SGMS1: variants seen among roughly 807,000 people sequenced by gnomAD.
The protein encoded by SGMS1 is phosphatidylcholine:ceramide cholinephosphotransferase 1.
In SGMS1, 13 loss-of-function variants were observed where a neutral mutation model predicts 46.2. The ratio of observed to expected loss-of-function variants is 0.28; its 90% CI spans 0.18 to 0.45. The LOEUF is 0.45. SGMS1 is among the 20% of genes least tolerant of loss of function. The pLI is 1.00. For synonymous variants in SGMS1, 203 were observed against 187.8 expected (o/e 1.08, Z -0.66); for missense variants, 324 against 519.9 (o/e 0.62, Z 3.66).
At chr10:50,482,455 C>T (rs1157831277) in intron 3 of SGMS1, among the ~76,000 whole-genome samples, 1 of 152,166 alleles carries the variant, frequency 6.6e-6, no homozygotes, top group Non-Finnish European at 1.5e-5. Flanking sequence ...AAATCCTTTT[C>T]AGGCATAAGC....
intron 6 of SGMS1, among the ~76,000 whole-genome samples, chr10:50,404,043 TA>T (rs1264172501): frequency 6.6e-6 from 1 of 151,990 alleles, no homozygotes; most frequent in African/African-American, 2.4e-5. Flanking sequence ...TGAATTTTCC[TA>T]ATTTAAAATG....
chr10:50,408,431 T>TAAAAAAAAAAAAAA (rs71029307), intron 6 of SGMS1, among the ~76,000 whole-genome samples: 4 of 95,202 alleles, frequency 4.2e-5, no homozygotes, highest in Non-Finnish European at 6.3e-5. Flanking sequence ...CCTCATCTCT[T>TAAAAAAAAAAAAAA]AAAAAAAAAA....
At chr10:50,429,361 C>T (rs2133611225) in intron 6 of SGMS1, among the ~76,000 whole-genome samples, 1 of 152,284 alleles carries the variant, frequency 6.6e-6, no homozygotes, top group African/African-American at 2.4e-5. Flanking sequence ...AGGTTTGCAG[C>T]AGCCTAGGAG....
intron 6 of SGMS1, among the ~76,000 whole-genome samples, chr10:50,390,470 A>G (rs1214543449): frequency 6.6e-6 from 1 of 152,206 alleles, no homozygotes; most frequent in East Asian, 1.9e-4. Context: ...TTAAGTCAAT[A>G]GAATGTTCAT....
intron 6 of SGMS1, among the ~76,000 whole-genome samples, chr10:50,369,587 TGTG>T (rs1848402618): frequency 6.9e-6 from 1 of 145,058 alleles, no homozygotes; most frequent in African/African-American, 2.5e-5. Context: ...CATCAACAAA[TGTG>T]GAGGAAAAAA....
intron 1 of SGMS1, among the ~76,000 whole-genome samples, chr10:50,613,184 T>C (rs530814996): frequency 2.0e-5 from 3 of 152,328 alleles, no homozygotes; most frequent in Non-Finnish European, 1.5e-5. Flanking sequence ...TCTGGCTCCA[T>C]CTACACTGAC....
intron 6 of SGMS1, among the ~76,000 whole-genome samples, chr10:50,403,952 C>T (rs993368755): frequency 6.6e-6 from 1 of 151,334 alleles, no homozygotes; most frequent in Non-Finnish European, 1.5e-5. Flanking sequence ...ATTCCTTACA[C>T]CAAAATAAAA....
chr10:50,586,455 G>A (rs1329648733), intron 2 of SGMS1, among the ~76,000 whole-genome samples: 2 of 152,210 alleles, frequency 1.3e-5, no homozygotes, highest in African/African-American at 4.8e-5. Context: ...CTATACTACA[G>A]GCTCCTCAAG....
intron 6 of SGMS1, among the ~76,000 whole-genome samples, chr10:50,416,919 C>T (rs552363215): frequency 4.0e-5 from 6 of 149,898 alleles, no homozygotes; most frequent in African/African-American, 1.5e-4. Flanking sequence ...GAATTTTCTT[C>T]CTCTCTCCAT....
At chr10:50,474,529 G>A (rs576122349) in intron 3 of SGMS1, among the ~76,000 whole-genome samples, 122 of 152,178 alleles carry the variant, frequency 8.0e-4, no homozygotes, top group Non-Finnish European at 1.5e-3. Flanking sequence ...TACCTTGGCT[G>A]TCACATGATG....
Position 50,307,345 on chromosome 10 carries a change from C to G in SGMS1, c.1063-24G>C, listed in dbSNP as rs1289689904. The G allele has an allele frequency of 6.3e-7, 1 of 1,599,050 alleles. No homozygotes were observed. The highest frequency in any genetic ancestry group is 1.7e-5 in the Admixed American group (1 of 58,774). On this transcript the variant is annotated intron_variant, in intron 10 of 10. Coordinates refer to ENST00000361781, the MANE Select transcript of SGMS1 (RefSeq NM_147156.4). The surrounding 1 kb of genome is among the most constrained non-coding windows in gnomAD (Gnocchi z 4.2). ...ACCTAGGATAACAAAGAAACATAAA[C>G]ACATTTCTTACAATCTTTCACTTTA...
intron 1 of SGMS1, among the ~76,000 whole-genome samples, chr10:50,599,567 G>A (rs757410748): frequency 6.6e-5 from 10 of 152,048 alleles, no homozygotes; most frequent in Non-Finnish European, 1.2e-4. Context: ...GTATACTTAC[G>A]AAGTACTTAA....
intron 2 of SGMS1, among the ~76,000 whole-genome samples, chr10:50,538,621 T>C (rs1284724746): frequency 6.6e-6 from 1 of 152,074 alleles, no homozygotes; most frequent in Admixed American, 6.6e-5. Context: ...CCCCTCATCA[T>C]CATGACCACT....
At chr10:50,318,472 A>T (rs1172770418) in intron 8 of SGMS1, among the ~76,000 whole-genome samples, 1 of 152,200 alleles carries the variant, frequency 6.6e-6, no homozygotes, top group African/African-American at 2.4e-5. Flanking sequence ...TTACTTAACA[A>T]TCCAAGTTAG....
At chr10:50,540,260 A>G (rs931307530) in intron 2 of SGMS1, among the ~76,000 whole-genome samples, 2 of 152,210 alleles carry the variant, frequency 1.3e-5, no homozygotes, top group Non-Finnish European at 2.9e-5. Context: ...AGACCAGTAG[A>G]GTACTAAGAA....
At chr10:50,372,128 A>G (rs1848444843) in intron 6 of SGMS1, among the ~76,000 whole-genome samples, 1 of 152,194 alleles carries the variant, frequency 6.6e-6, no homozygotes, top group African/African-American at 2.4e-5. Context: ...TCATTATTGT[A>G]TTCCCAGGAG....
chr10:50,343,384 G>T (rs541978719), intron 7 of SGMS1, 108 bp downstream of exon 7: 9 of 1,242,792 alleles, frequency 7.2e-6, no homozygotes, highest in Non-Finnish European at 9.7e-6. Context: ...AAAAAAAATA[G>T]TATGTTTTGA....
chr10:50,624,802 C>T, upstream of SGMS1: 4 of 986,352 alleles, frequency 4.1e-6, no homozygotes, highest in East Asian at 1.1e-4. Flanking sequence ...CGATGCCCGC[C>T]GTCCCTGGCC....
chr10:50,396,739 G>T (rs1178858703), intron 6 of SGMS1, among the ~76,000 whole-genome samples: 1 of 152,134 alleles, frequency 6.6e-6, no homozygotes, highest in Non-Finnish European at 1.5e-5. Context: ...GCTTTTAGCA[G>T]TCTGTCTTCT....
Sources: gnomAD v4.1 joint callset for allele counts (sites outside exome capture counted in the v4.1 genomes callset) on GRCh38, gnomAD v4.1.1 for gene constraint, Gnocchi (gnomAD v3.1) non-coding constraint, MANE v1.5 for transcripts, NCBI Gene and HGNC (gene_info 2026-07-23, HGNC 2026-07-21) for gene names.